Variants in TNR observed in about 807,000 individuals in gnomAD.
TNR encodes the protein tenascin R.
A neutral mutation model predicts 150.4 loss-of-function variants in TNR; 45 were observed. The observed-to-expected ratio is 0.30, with a 90% CI of 0.24 to 0.38. The LOEUF (loss-of-function observed/expected upper bound fraction) is 0.38, where lower values mean the gene tolerates loss of function less well. TNR is among the 10% of genes least tolerant of loss of function. The probability of loss-of-function intolerance (pLI) is 1.00; values close to 1 mark genes in which losing one functional copy is unlikely to be tolerated. For missense variants in TNR, 1,544 were observed against 1,759.1 expected (o/e 0.88, Z 2.19); for synonymous variants, 687 against 678.4 (o/e 1.01, Z -0.20).
At chr1:175,335,669 G>A (rs1248498829) in intron 20 of TNR, 42 bp downstream of exon 20, 2 of 1,569,690 alleles carry the variant, frequency 1.3e-6, no homozygotes, top group Non-Finnish European at 1.7e-6. Context: ...TGGACAAAAA[G>A]CCAGAGAAGC....
At chr1:175,474,468 A>G (rs1657456297) in intron 2 of TNR, among the ~76,000 whole-genome samples, 1 of 152,216 alleles carries the variant, frequency 6.6e-6, no homozygotes, top group African/African-American at 2.4e-5. Context: ...TTGGACTTCC[A>G]ACCTCCAGAA....
intron 1 of TNR, among the ~76,000 whole-genome samples, chr1:175,643,674 C>T (rs1376693950): frequency 6.6e-6 from 1 of 152,160 alleles, no homozygotes; most frequent in Non-Finnish European, 1.5e-5. Context: ...TATTTTCCTT[C>T]CTCTTTTCAT....
intron 1 of TNR, among the ~76,000 whole-genome samples, chr1:175,556,328 A>T (rs769482765): frequency 6.6e-6 from 1 of 152,282 alleles, no homozygotes; most frequent in Non-Finnish European, 1.5e-5. Flanking sequence ...AGTAATGTCC[A>T]TGAAGGACAA....
chr1:175,524,406 C>A (rs1005423466), intron 2 of TNR, among the ~76,000 whole-genome samples: 1 of 151,894 alleles, frequency 6.6e-6, no homozygotes, highest in Non-Finnish European at 1.5e-5. Flanking sequence ...ATCAGGAAAT[C>A]AAGGGAAAGC....
intron 17 of TNR, 61 bp from the exon 18 acceptor site, chr1:175,354,584 G>A: frequency 6.2e-7 from 1 of 1,609,154 alleles, no homozygotes; most frequent in South Asian, 1.1e-5. Flanking sequence ...ATTTGGGAAA[G>A]TAGGGAAGGG....
At chr1:175,437,733 G>A (rs1489566277) in intron 2 of TNR, among the ~76,000 whole-genome samples, 2 of 152,228 alleles carry the variant, frequency 1.3e-5, no homozygotes, top group African/African-American at 2.4e-5. Context: ...ACTACCATTA[G>A]AGAATACTAT....
At chr1:175,474,733 G>C (rs764485745) in intron 2 of TNR, among the ~76,000 whole-genome samples, 2 of 152,310 alleles carry the variant, frequency 1.3e-5, no homozygotes, top group East Asian at 1.9e-4. Flanking sequence ...TGGTAAGAGG[G>C]AACATGCTGC....
At chr1:175,344,993 A>G (rs1650708858) in intron 18 of TNR, among the ~76,000 whole-genome samples, 1 of 151,596 alleles carries the variant, frequency 6.6e-6, no homozygotes, top group Non-Finnish European at 1.5e-5. Context: ...CTGTAATCCC[A>G]GCTATCCGGG....
Position 175,489,219 on chromosome 1 carries a change from C to G in TNR, c.-64+39050G>C, listed in dbSNP as rs181582673. On this transcript the variant is annotated intron_variant, in intron 2 of 22. Coordinates refer to ENST00000367674, the MANE Select transcript of TNR (RefSeq NM_003285.3). ...CCCAGCCAGGAATGGAACCTAGAACCTCTTGAATTCTAGCTCCTTCCCTTC... is the reference window on the plus strand; with the variant it reads ...CCCAGCCAGGAATGGAACCTAGAACGTCTTGAATTCTAGCTCCTTCCCTTC... 6.6e-5 allele frequency among the ~76,000 whole-genome samples: 10 copies of G among 152,268 alleles called. No individual in the cohort carries two copies. In the East Asian group the frequency reaches 1.9e-3, roughly 29 times the overall value.
At chr1:175,631,841 G>A (rs1664338135) in intron 1 of TNR, among the ~76,000 whole-genome samples, 1 of 152,128 alleles carries the variant, frequency 6.6e-6, no homozygotes, top group Non-Finnish European at 1.5e-5. Context: ...AAAGATATTA[G>A]CTCTTTCTTT....
intron 1 of TNR, among the ~76,000 whole-genome samples, chr1:175,669,742 G>A (rs991840913): frequency 6.6e-6 from 1 of 152,206 alleles, no homozygotes; most frequent in African/African-American, 2.4e-5. Context: ...CAGGGAGAGG[G>A]CTTTTCTGGG....
intron 1 of TNR, among the ~76,000 whole-genome samples, chr1:175,558,258 A>C (rs1220270360): frequency 7.3e-6 from 1 of 137,442 alleles, no homozygotes; most frequent in Non-Finnish European, 1.6e-5. Context: ...TGTACCCTAA[A>C]ACTTAAAGTA....
chr1:175,535,598 C>T (rs1202556598), intron 1 of TNR, among the ~76,000 whole-genome samples: 3 of 151,132 alleles, frequency 2.0e-5, no homozygotes, highest in Non-Finnish European at 4.4e-5. Flanking sequence ...GTAGCTGGGA[C>T]TATAGGCACT....
At chr1:175,719,238 C>A (rs1052242135) in intron 1 of TNR, among the ~76,000 whole-genome samples, 6 of 152,226 alleles carry the variant, frequency 3.9e-5, no homozygotes, top group African/African-American at 1.4e-4. Flanking sequence ...TGTGGCCCAC[C>A]TCTTGGGCTG....
chr1:175,680,715 C>T (rs761585386), intron 1 of TNR, among the ~76,000 whole-genome samples: 1 of 152,128 alleles, frequency 6.6e-6, no homozygotes, highest in Non-Finnish European at 1.5e-5. Context: ...GGGGGACTAA[C>T]ACAGAGATGA....
At chr1:175,548,955 C>G (rs982486327) in intron 1 of TNR, among the ~76,000 whole-genome samples, 1 of 152,194 alleles carries the variant, frequency 6.6e-6, no homozygotes, top group Admixed American at 6.5e-5. Flanking sequence ...TCTGCCAAGA[C>G]AGGAAAAATC....
At chr1:175,356,505 C>T (rs768208221) in intron 15 of TNR, 43 bp from the exon 16 acceptor site, 2 of 1,609,114 alleles carry the variant, frequency 1.2e-6, no homozygotes, top group Non-Finnish European at 1.7e-6. Flanking sequence ...TAAGGCTACT[C>T]AGTTTAGGAA....
At chr1:175,504,382 A>G (rs538990291) in intron 2 of TNR, among the ~76,000 whole-genome samples, 1 of 152,198 alleles carries the variant, frequency 6.6e-6, no homozygotes, top group South Asian at 2.1e-4. Flanking sequence ...TAACTGCTCC[A>G]CCCAAGCAGA....
rs142735016 is a variant in TNR, at chr1:175,334,109, G to T, written c.3631+1602C>A. Among the ~76,000 whole-genome samples the T allele has an allele frequency of 3.9e-4, 60 of 152,262 alleles. 2 individuals are homozygous for T. The highest frequency in any genetic ancestry group is 1.4e-3 in the African/African-American group (59 of 41,548). Reference sequence around the variant, plus strand: ...AGTCATTGAAAAGTTTTACAAAGGGGATTAGCCATCGCCCATATTTGGGGT... The same window carrying T: ...AGTCATTGAAAAGTTTTACAAAGGGTATTAGCCATCGCCCATATTTGGGGT... On this transcript the variant is annotated intron_variant, in intron 20 of 22. Transcript: ENST00000367674.
Sources: allele counts gnomAD v4.1 joint callset (sites outside exome capture counted in the v4.1 genomes callset), GRCh38; gene constraint gnomAD v4.1.1; transcripts MANE v1.5; gene names NCBI Gene and HGNC (gene_info 2026-07-23, HGNC 2026-07-21).